The following FRZB variants were observed in gnomAD, a reference collection of about 807,000 sequenced individuals.
FRZB encodes secreted frizzled-related protein 3.
Under a neutral mutation model 32.5 loss-of-function variants are expected in FRZB, and 34 were observed. That is an observed-to-expected ratio of 1.05 (90% CI 0.80 to 1.39). The LOEUF (loss-of-function observed/expected upper bound fraction) is 1.39. FRZB is among the 40% of genes most tolerant of loss of function. FRZB has a pLI of 0.00. For missense variants in FRZB, 423 were observed against 424.8 expected (o/e 1.00, Z 0.04); for synonymous variants, 170 against 159.2 (o/e 1.07, Z -0.51).
chr2:182,863,245 C>A (rs1352027149), intron 1 of FRZB, among the ~76,000 whole-genome samples: 1 of 152,166 alleles, frequency 6.6e-6, no homozygotes, highest in Non-Finnish European at 1.5e-5. Context: ...ACTCACCACA[C>A]AATATTAAAG....
In FRZB at chr2:182,837,962, C is replaced by T. The variant is rs373539605; in HGVS notation, c.847G>A (p.Gly283Ser). 1.5e-4 allele frequency: 234 copies of T among 1,610,914 alleles called. No individual in the cohort carries two copies. The highest frequency in any genetic ancestry group is 1.9e-4 in the Non-Finnish European group (219 of 1,178,382). ...SIAEKWKDRL[G>S]KKVKRWDMKL... Reference sequence around the variant, plus strand: ...TACAGGCTTACCTTAACTTTTTTACCGAGTCGATCCTTCCACTTCTCAGCT... The same window carrying T: ...TACAGGCTTACCTTAACTTTTTTACTGAGTCGATCCTTCCACTTCTCAGCT... The change falls in exon 5 of 6, where the codon GGT becomes AGT. Residue 283 changes from glycine to serine, a missense_variant. Gly to Ser is a moderately conservative substitution (Grantham distance 56, BLOSUM62 0). Coordinates refer to ENST00000295113, the MANE Select transcript of FRZB (RefSeq NM_001463.4).
intron 2 of FRZB, among the ~76,000 whole-genome samples, chr2:182,853,232 A>G (rs1695729065): frequency 1.3e-5 from 2 of 152,214 alleles, no homozygotes; most frequent in Non-Finnish European, 2.9e-5. Flanking sequence ...TGACTCTGAG[A>G]ACACCACATT....
At chr2:182,856,356 A>T (rs1463130332) in intron 2 of FRZB, among the ~76,000 whole-genome samples, 2 of 151,908 alleles carry the variant, frequency 1.3e-5, no homozygotes. Context: ...TATATCTCAC[A>T]TACGTGTGTG....
In FRZB at chr2:182,866,612, C is replaced by A; in HGVS notation, c.-60G>T. 8.5e-7 allele frequency: 1 copy of A among 1,180,630 alleles called. No homozygotes were observed. The highest frequency in any genetic ancestry group is 1.1e-6 in the Non-Finnish European group (1 of 877,926). The allele number at this position is 1,180,630 out of a possible 1,614,324, so 73.1% of individuals were successfully genotyped here. A position where few individuals can be genotyped will look rare whatever the true frequency, so the allele number is the denominator to read the frequency against. ...AGTGGACGCCAAAAGGCCCGCTCCG[C>A]CGTCTCCGCCTCCCCCGCTGCAAGT... On this transcript the variant is annotated 5_prime_UTR_variant, in exon 1 of 6. Coordinates refer to ENST00000295113, the MANE Select transcript of FRZB (RefSeq NM_001463.4). The surrounding 1 kb of genome is among the most constrained non-coding windows in gnomAD (Gnocchi z 4.5).
chr2:182,842,183 G>A (rs1199530601), intron 3 of FRZB, among the ~76,000 whole-genome samples: 1 of 152,146 alleles, frequency 6.6e-6, no homozygotes, highest in Non-Finnish European at 1.5e-5. Context: ...TCAGCCTCCA[G>A]GCAGGGAAGA....
chr2:182,837,996 T>TA lies in FRZB; in HGVS notation c.812_813insT (p.Glu271AspfsTer6). 6.2e-7 allele frequency: 1 copy of TA among 1,611,850 alleles called. No homozygotes were observed. The stretch of plus-strand genomic sequence containing the variant: ...CCTTCCACTTCTCAGCTATAGAGCC[T>TA]TCCACCAAGAGTAATCTGTATTTTT... On this transcript the variant is annotated frameshift_variant, in exon 5 of 6. Coordinates refer to ENST00000295113, the MANE Select transcript of FRZB (RefSeq NM_001463.4). LOFTEE classifies it high-confidence loss of function.
At chr2:182,855,361 G>A (rs1695756778) in intron 2 of FRZB, among the ~76,000 whole-genome samples, 2 of 152,118 alleles carry the variant, frequency 1.3e-5, no homozygotes, top group Admixed American at 1.3e-4. Context: ...TGACTTTACG[G>A]TAGCTATGAT....
At chr2:182,845,298 T>G (rs1466493304) in intron 2 of FRZB, among the ~76,000 whole-genome samples, 1 of 152,206 alleles carries the variant, frequency 6.6e-6, no homozygotes, top group East Asian at 1.9e-4. Context: ...CTAAATCAGA[T>G]GTAACAGTTT....
Position 182,834,757 on chromosome 2 carries a change from G to T in FRZB, c.*92C>A. ...ATTTTTATAGTAAACAATAGAATAT[G>T]ATGTGCAATAGTGCAATTTTCCTTT... On this transcript the variant is annotated 3_prime_UTR_variant, in exon 6 of 6. Coordinates refer to ENST00000295113, the MANE Select transcript of FRZB (RefSeq NM_001463.4). The T allele has an allele frequency of 1.2e-6, 1 of 836,526 alleles. No homozygotes were observed. 51.8% of individuals were successfully genotyped at this position (836,526 alleles called of 1,614,324 possible).
chr2:182,863,427 T>C (rs999814200), intron 1 of FRZB, among the ~76,000 whole-genome samples: 2 of 152,224 alleles, frequency 1.3e-5, no homozygotes, highest in Non-Finnish European at 2.9e-5. Context: ...CCCTTAGTAT[T>C]TTGAAAGCAA....
chr2:182,836,413 A>G (rs1365812211), intron 5 of FRZB, among the ~76,000 whole-genome samples: 1 of 152,110 alleles, frequency 6.6e-6, no homozygotes, highest in East Asian at 1.9e-4. Flanking sequence ...ATATGAATTT[A>G]AAATTGTTCA....
chr2:182,852,647 A>T (rs2105759897), intron 2 of FRZB, among the ~76,000 whole-genome samples: 1 of 152,324 alleles, frequency 6.6e-6, no homozygotes, highest in East Asian at 1.9e-4. Flanking sequence ...AATTATTTTA[A>T]TTAAAAAAAA....
intron 2 of FRZB, among the ~76,000 whole-genome samples, chr2:182,855,905 T>G (rs1324041691): frequency 3.3e-5 from 5 of 151,926 alleles, no homozygotes; most frequent in South Asian, 4.2e-4. Flanking sequence ...CAAAGAAAAC[T>G]GATGTATTAC....
At position 182,837,954 on chromosome 2, in the gene FRZB, T is replaced by A. The variant is rs1695545461; in HGVS notation, c.855A>T (p.Lys285Asn). The A allele has an allele frequency of 1.9e-6, 3 of 1,611,142 alleles. No homozygotes were observed. Among genetic ancestry groups the A allele is most frequent in the Non-Finnish European group, 1.7e-6 (2 of 1,178,102 alleles). ...AEKWKDRLGK[K>N]VKRWDMKLRH... ...ACATAAAATACAGGCTTACCTTAAC[T>A]TTTTTACCGAGTCGATCCTTCCACT... The change falls in exon 5 of 6, where the codon AAA (lysine) becomes AAT (asparagine). Residue 285 changes from lysine to asparagine, a missense_variant. Lys to Asn is a moderately conservative substitution (Grantham distance 94, BLOSUM62 0). Transcript: ENST00000295113.
At chr2:182,858,292 A>C (rs73040099) in intron 2 of FRZB, among the ~76,000 whole-genome samples, 1 of 152,208 alleles carries the variant, frequency 6.6e-6, no homozygotes, top group Non-Finnish European at 1.5e-5. Flanking sequence ...ATGGTCATAC[A>C]TCCAAGTAAT....
chr2:182,852,944 C>A (rs73040083), intron 2 of FRZB, among the ~76,000 whole-genome samples: 1 of 152,138 alleles, frequency 6.6e-6, no homozygotes, highest in African/African-American at 2.4e-5. Flanking sequence ...AAATTCCAGA[C>A]AGAAACAGCT....
intron 5 of FRZB, among the ~76,000 whole-genome samples, chr2:182,835,365 C>T (rs6710705): frequency 0.075 from 11,469 of 151,990 alleles, 460 homozygotes; most frequent in Non-Finnish European, 0.093. Flanking sequence ...TCAACATCCT[C>T]TCTTAATACA....
At position 182,842,483 on chromosome 2, in the gene FRZB, T is replaced by C; in HGVS notation, c.587A>G (p.Asn196Ser). ...AACCATGAAATTTTCCTTACCATAGTTGTAATTGTTCCGGAAATAGGTCTT... is the reference window on the plus strand; with the variant it reads ...AACCATGAAATTTTCCTTACCATAGCTGTAATTGTTCCGGAAATAGGTCTT... The part of the protein sequence containing the change: ...TQKTYFRNNY[N>S]YVIRAKVKEI... Residue 196 changes from asparagine (N) to serine (S), a missense_variant, in exon 3 of 6, where the codon AAC (asparagine) becomes AGC (serine). Transcript: ENST00000295113. The C allele has an allele frequency of 1.2e-6, 2 of 1,611,376 alleles. No individual in the cohort carries two copies. Among genetic ancestry groups the C allele is most frequent in the East Asian group, 2.2e-5 (1 of 44,844 alleles).
intron 2 of FRZB, among the ~76,000 whole-genome samples, chr2:182,848,340 G>A (rs749197545): frequency 6.6e-6 from 1 of 152,116 alleles, no homozygotes; most frequent in Non-Finnish European, 1.5e-5. Context: ...TGGATGCCAT[G>A]GTGGAACTTG....
Sources: gnomAD v4.1 joint callset for allele counts (sites outside exome capture counted in the v4.1 genomes callset) on GRCh38, gnomAD v4.1.1 for gene constraint, Gnocchi (gnomAD v3.1) non-coding constraint, MANE v1.5 for transcripts, NCBI Gene and HGNC (gene_info 2026-07-23, HGNC 2026-07-21) for gene names.